Variants in TNIK observed in about 807,000 individuals in gnomAD.
TNIK encodes TRAF2 and NCK interacting kinase.
TNIK carries 49 observed loss-of-function variants against 191.3 expected under a neutral mutation model. The observed-to-expected ratio is 0.26, with a 90% CI of 0.20 to 0.32. TNIK has a LOEUF of 0.32. Ranked by LOEUF, TNIK falls within the 10% of genes least tolerant of loss-of-function variation. The pLI is 1.00. For synonymous variants in TNIK, 594 were observed against 600.9 expected, an observed-to-expected ratio of 0.99 and a Z score of 0.17; for missense variants, 1,155 against 1,702.3, an observed-to-expected ratio of 0.68 and a Z score of 5.66.
intron 2 of TNIK, among the ~76,000 whole-genome samples, chr3:171,338,657 TTG>T (rs1267385455): frequency 7.5e-6 from 1 of 133,062 alleles, no homozygotes; most frequent in Non-Finnish European, 1.6e-5. Flanking sequence ...CTCAGCTAAG[TTG>T]TTTTTTTTTT....
chr3:171,283,349 G>A (rs1447942115), intron 2 of TNIK, among the ~76,000 whole-genome samples: 2 of 151,910 alleles, frequency 1.3e-5, no homozygotes, highest in Admixed American at 6.6e-5. Flanking sequence ...TGGGGGATGA[G>A]GATTATACAG....
At chr3:171,346,842 G>A (rs1712283298) in intron 2 of TNIK, 1 of 225,228 alleles carries the variant, frequency 4.4e-6, no homozygotes, top group South Asian at 1.3e-4. Context: ...CTAAGAAGAA[G>A]GTTGTGTTCA....
At chr3:171,410,215 A>C (rs1446072525) in intron 1 of TNIK, among the ~76,000 whole-genome samples, 4 of 152,222 alleles carry the variant, frequency 2.6e-5, no homozygotes, top group Non-Finnish European at 5.9e-5. Flanking sequence ...TAGAAAACAA[A>C]CCACCCTAAA....
intron 2 of TNIK, among the ~76,000 whole-genome samples, chr3:171,344,395 AG>A (rs1201044140): frequency 6.6e-6 from 1 of 152,086 alleles, no homozygotes; most frequent in African/African-American, 2.4e-5. Flanking sequence ...AGGGGTTCTG[AG>A]GTGATAGTAG....
intron 2 of TNIK, among the ~76,000 whole-genome samples, chr3:171,321,339 C>T (rs141537513): frequency 2.9e-4 from 44 of 152,020 alleles, no homozygotes; most frequent in African/African-American, 8.0e-4. Flanking sequence ...TAACTTATTG[C>T]GGTTTTCTAG....
At chr3:171,376,107 T>G (rs975668541) in intron 1 of TNIK, among the ~76,000 whole-genome samples, 1 of 152,248 alleles carries the variant, frequency 6.6e-6, no homozygotes, top group Non-Finnish European at 1.5e-5. Context: ...ATTTAGCAGC[T>G]GTTTTGTTTG....
chr3:171,107,390 T>C (rs1021501144), intron 20 of TNIK, among the ~76,000 whole-genome samples, 184 bp from the exon 21 acceptor site: 4 of 152,174 alleles, frequency 2.6e-5, no homozygotes, highest in Non-Finnish European at 5.9e-5. Context: ...ACGTCGTTAC[T>C]TTAAGATGTT....
chr3:171,436,189 G>A (rs1356034961), intron 1 of TNIK, among the ~76,000 whole-genome samples: 1 of 152,002 alleles, frequency 6.6e-6, no homozygotes. Context: ...CATCTACCCT[G>A]GTGCTCTGAC....
intron 2 of TNIK, among the ~76,000 whole-genome samples, chr3:171,238,626 T>C (rs1307571496): frequency 6.6e-6 from 1 of 152,130 alleles, no homozygotes; most frequent in Non-Finnish European, 1.5e-5. Flanking sequence ...CAACAAGCAA[T>C]AATTGGGTCT....
At chr3:171,088,958 A>G (rs766629475) in intron 23 of TNIK, among the ~76,000 whole-genome samples, 2 of 152,176 alleles carry the variant, frequency 1.3e-5, no homozygotes, top group African/African-American at 4.8e-5. Context: ...TTCTTTGACC[A>G]TCTCACCAGC....
rs1716127619 is a variant in TNIK, at chr3:171,368,982, T to A, written c.123+638A>T. The stretch of plus-strand genomic sequence containing the variant: ...ATCAGAAAAGGAATCAACTCACATT[T>A]TCAACCAGCCATTTTTCGTAGATTA... On this transcript the variant is annotated intron_variant, in intron 2 of 32. Transcript: ENST00000436636. Among the ~76,000 whole-genome samples, 3 of 151,982 alleles carry A rather than the reference T, an allele frequency of 2.0e-5. No individual in the cohort carries two copies. In the South Asian group the frequency reaches 6.2e-4, roughly 32 times the overall value.
At chr3:171,077,819 A>G (rs996565390) in intron 28 of TNIK, among the ~76,000 whole-genome samples, 1 of 150,334 alleles carries the variant, frequency 6.7e-6, no homozygotes, top group African/African-American at 2.4e-5. Context: ...ATGTATGTGT[A>G]TATATGTATG....
chr3:171,113,603 CTG>C (rs1726206427), intron 18 of TNIK, among the ~76,000 whole-genome samples: 1 of 147,456 alleles, frequency 6.8e-6, no homozygotes, highest in Non-Finnish European at 1.5e-5. Flanking sequence ...GAGACTCTGT[CTG>C]TCTCGAAAAA....
chr3:171,388,887 T>C (rs73879550), intron 1 of TNIK, among the ~76,000 whole-genome samples: 4,456 of 152,288 alleles, frequency 0.029, 229 homozygotes, highest in African/African-American at 0.1. Flanking sequence ...TTGAAGTACA[T>C]ACAGTTTTTG....
chr3:171,071,005 C>G (rs2108321317), intron 29 of TNIK, among the ~76,000 whole-genome samples: 1 of 152,248 alleles, frequency 6.6e-6, no homozygotes, highest in South Asian at 2.1e-4. Context: ...TCATAGATCT[C>G]AAGGAGGAGG....
chr3:171,415,384 G>A (rs1311372265), intron 1 of TNIK, among the ~76,000 whole-genome samples: 2 of 152,084 alleles, frequency 1.3e-5, no homozygotes, highest in African/African-American at 4.8e-5. Flanking sequence ...GCTCACCACT[G>A]TATCATCAGC....
intron 17 of TNIK, 62 bp downstream of exon 17, chr3:171,125,850 T>C (rs1728394546): frequency 6.3e-7 from 1 of 1,585,016 alleles, no homozygotes; most frequent in South Asian, 1.2e-5. Flanking sequence ...AGGTCTGGAA[T>C]AGTGGTAATA....
chr3:171,288,342 A>AG (rs1751277876), intron 2 of TNIK, among the ~76,000 whole-genome samples: 8 of 138,776 alleles, frequency 5.8e-5, no homozygotes, highest in South Asian at 2.2e-4. Context: ...AAAAGAAAAT[A>AG]TTTGGGTGGA....
At chr3:171,266,174 G>T (rs532464930) in intron 2 of TNIK, among the ~76,000 whole-genome samples, 24 of 152,258 alleles carry the variant, frequency 1.6e-4, no homozygotes, top group Admixed American at 3.9e-4. Context: ...GAAAGGAAAA[G>T]TTTCTCTTCC....
Sources: allele counts gnomAD v4.1 joint callset (sites outside exome capture counted in the v4.1 genomes callset), GRCh38; gene constraint gnomAD v4.1.1; transcripts MANE v1.5; gene names NCBI Gene and HGNC (gene_info 2026-07-23, HGNC 2026-07-21).